CCDC91: variants seen among roughly 807,000 people sequenced by gnomAD.
CCDC91 encodes coiled-coil domain-containing protein 91.
In CCDC91, 48 loss-of-function variants were observed where a neutral mutation model predicts 63.2. The ratio of observed to expected loss-of-function variants is 0.76; its 90% CI spans 0.60 to 0.97. The LOEUF (loss-of-function observed/expected upper bound fraction) is 0.97, where lower values mean the gene tolerates loss of function less well. Ranked by LOEUF, CCDC91 falls within the 50% of genes least tolerant of loss-of-function variation. The probability of loss-of-function intolerance (pLI) is 0.00; values close to 1 mark genes in which losing one functional copy is unlikely to be tolerated. For synonymous variants in CCDC91, 167 were observed against 165.8 expected, an observed-to-expected ratio of 1.01 and a Z score of -0.06; for missense variants, 500 against 494.6, an observed-to-expected ratio of 1.01 and a Z score of -0.10.
At chr12:28,528,303 A>G (rs1370368872) in intron 12 of CCDC91, among the ~76,000 whole-genome samples, 1 of 152,052 alleles carries the variant, frequency 6.6e-6, no homozygotes, top group Non-Finnish European at 1.5e-5. Flanking sequence ...AGGGCTTTGC[A>G]TGTTGCTTCC....
chr12:28,501,249 C>T (rs1260956443), intron 12 of CCDC91, among the ~76,000 whole-genome samples: 8 of 151,808 alleles, frequency 5.3e-5, no homozygotes, highest in East Asian at 1.9e-4. Context: ...CTATGTTGAA[C>T]AGGAGTGGTG....
chr12:28,203,859 T>C (rs558211652), intron 1 of CCDC91, among the ~76,000 whole-genome samples: 1 of 152,306 alleles, frequency 6.6e-6, no homozygotes, highest in African/African-American at 2.4e-5. Context: ...TGGCTAAAAA[T>C]TCAATTGAAT....
chr12:28,398,602 A>G (rs887223278), intron 8 of CCDC91, among the ~76,000 whole-genome samples: 1 of 152,078 alleles, frequency 6.6e-6, no homozygotes, highest in Non-Finnish European at 1.5e-5. Context: ...ATTTTTTCCA[A>G]AGTTTTATTA....
intron 7 of CCDC91, among the ~76,000 whole-genome samples, chr12:28,362,870 ATAT>A (rs921830663): frequency 3.9e-5 from 6 of 152,290 alleles, no homozygotes; most frequent in South Asian, 2.1e-4. Context: ...TCAGAAAAAA[ATAT>A]TATACCTTTT....
intron 12 of CCDC91, among the ~76,000 whole-genome samples, chr12:28,515,637 ATTCT>A (rs1257798165): frequency 2.0e-5 from 3 of 151,956 alleles, no homozygotes; most frequent in African/African-American, 7.2e-5. Flanking sequence ...ATGCAGAATC[ATTCT>A]TTTTATTTAG....
intron 3 of CCDC91, among the ~76,000 whole-genome samples, chr12:28,285,418 A>G (rs949534260): frequency 6.6e-6 from 1 of 151,994 alleles, no homozygotes; most frequent in Non-Finnish European, 1.5e-5. Flanking sequence ...GTTAATTTAC[A>G]AGGAGAAATT....
At chr12:28,304,119 C>T (rs1938380767) in intron 3 of CCDC91, among the ~76,000 whole-genome samples, 1 of 151,696 alleles carries the variant, frequency 6.6e-6, no homozygotes, top group Admixed American at 6.6e-5. Flanking sequence ...TCGCTCACAC[C>T]TGTAATCCTA....
chr12:28,475,916 G>A (rs1174007488), intron 11 of CCDC91, among the ~76,000 whole-genome samples: 4 of 151,988 alleles, frequency 2.6e-5, no homozygotes, highest in East Asian at 1.9e-4. Context: ...GAGACATTAT[G>A]GTTACTAGAA....
Position 28,257,202 on chromosome 12 carries a change from G to T in CCDC91, c.-14G>T. 2 of 1,603,836 alleles carry T rather than the reference G, an allele frequency of 1.2e-6. No individual in the cohort carries two copies. Among genetic ancestry groups the T allele is most frequent in the Non-Finnish European group, 1.7e-6 (2 of 1,171,124 alleles). On this transcript the variant is annotated splice_region_variant and 5_prime_UTR_variant, in exon 2 of 13. Coordinates refer to ENST00000536442, the MANE Select transcript of CCDC91 (RefSeq NM_018318.5). ...TGTTTCAATATCTTATATTTTTCAG[G>T]TGCCACTTGAAGAATGGATGATGAT... is the stretch of plus-strand genomic sequence containing the variant.
chr12:28,372,855 T>TC (rs1944708677), intron 7 of CCDC91, among the ~76,000 whole-genome samples: 1 of 152,160 alleles, frequency 6.6e-6, no homozygotes, highest in African/African-American at 2.4e-5. Context: ...TGGTAGGACT[T>TC]CCAGTACTGT....
chr12:28,223,490 C>CT (rs1334108493), intron 1 of CCDC91, among the ~76,000 whole-genome samples: 1 of 152,142 alleles, frequency 6.6e-6, no homozygotes, highest in Non-Finnish European at 1.5e-5. Context: ...TACTTAGCTT[C>CT]TAGCGTTCTG....
intron 3 of CCDC91, among the ~76,000 whole-genome samples, chr12:28,271,854 TTG>T (rs1290381421): frequency 6.7e-6 from 1 of 149,976 alleles, no homozygotes; most frequent in African/African-American, 2.4e-5. Context: ...TATATAAGTA[TTG>T]TATATGCATA....
intron 3 of CCDC91, chr12:28,268,833 A>G (rs1229574518): frequency 3.5e-5 from 6 of 169,054 alleles, no homozygotes; most frequent in Non-Finnish European, 6.0e-5. Context: ...AGTGTCTGGT[A>G]TGGAGGTCAC....
At position 28,549,778 on chromosome 12, in the gene CCDC91, CTGATA is replaced by C. The variant is rs1031560380; in HGVS notation, c.*607_*611del. The C allele has an allele frequency of 1.0e-3, 156 of 152,216 alleles. No homozygotes were observed. The highest frequency in any genetic ancestry group is 3.4e-3 in the African/African-American group (141 of 41,560). 9.4% of individuals were successfully genotyped at this position (152,216 alleles called of 1,614,324 possible). On this transcript the variant is annotated 3_prime_UTR_variant, in exon 13 of 13. Coordinates refer to ENST00000536442, the MANE Select transcript of CCDC91 (RefSeq NM_018318.5). ...ATTATTATATTAATTCAACTTTGAT[CTGATA>C]TATCACTTAAACTAAAGGGGTGTGT...
chr12:28,372,653 T>C (rs1424212975), intron 7 of CCDC91, among the ~76,000 whole-genome samples: 1 of 152,124 alleles, frequency 6.6e-6, no homozygotes, highest in East Asian at 1.9e-4. Context: ...TTGTTATTGG[T>C]GCTACTGATG....
In CCDC91 at chr12:28,535,921, C is replaced by T. The variant is rs560396182; in HGVS notation, c.1216-13142C>T. Among the ~76,000 whole-genome samples the T allele has an allele frequency of 4.0e-5, 6 of 151,630 alleles. No homozygotes were observed. The South Asian group carries it at 1.0e-3, about 26-fold the overall frequency. On this transcript the variant is annotated intron_variant, in intron 12 of 12. Coordinates refer to ENST00000536442, the MANE Select transcript of CCDC91 (RefSeq NM_018318.5). ...GTGGGCGCCCATAGTCCCAGCTACT[C>T]GGGAGACTGAGGCAGGAGAATGGCA...
chr12:28,292,484 A>G (rs929764157), intron 3 of CCDC91, among the ~76,000 whole-genome samples: 1 of 152,164 alleles, frequency 6.6e-6, no homozygotes, highest in Non-Finnish European at 1.5e-5. Context: ...GCTTGAAAAG[A>G]GGAGATAATG....
At chr12:28,418,266 A>T (rs2139856023) in intron 8 of CCDC91, among the ~76,000 whole-genome samples, 1 of 152,276 alleles carries the variant, frequency 6.6e-6, no homozygotes. Context: ...ACCAAAATTT[A>T]TGAAAAATTT....
rs146383934 is a variant in CCDC91, at chr12:28,377,755, A to G, written c.655-13549A>G. 4.4e-3 allele frequency among the ~76,000 whole-genome samples: 676 copies of G among 152,056 alleles called. 9 individuals carry two copies. Among genetic ancestry groups the G allele is most frequent in the Admixed American group, 0.031 (474 of 15,240 alleles). On this transcript the variant is annotated intron_variant, in intron 7 of 12. Coordinates refer to ENST00000536442, the MANE Select transcript of CCDC91 (RefSeq NM_018318.5). ...ATTATAAGTACCTATACATTTCAAG[A>G]TATTGCCACTACAGCTAGACATACA...
Sources: gnomAD v4.1 joint callset for allele counts (sites outside exome capture counted in the v4.1 genomes callset) on GRCh38, gnomAD v4.1.1 for gene constraint, MANE v1.5 for transcripts, NCBI Gene and HGNC (gene_info 2026-07-23, HGNC 2026-07-21) for gene names.